The following PAK1 variants were observed in gnomAD, a reference collection of about 807,000 sequenced individuals.
The protein encoded by PAK1 is p21 (RAC1) activated kinase 1.
A neutral mutation model predicts 67.4 loss-of-function variants in PAK1; 29 were observed. That is an observed-to-expected ratio of 0.43 (90% CI 0.32 to 0.59). The LOEUF is 0.59. Ranked by LOEUF, PAK1 falls within the 20% of genes least tolerant of loss-of-function variation. The pLI, the probability that PAK1 is intolerant of heterozygous loss-of-function variation, is 0.07. For missense variants in PAK1, 337 were observed against 670.7 expected, an observed-to-expected ratio of 0.50 and a Z score of 5.50; for synonymous variants, 223 against 237.4, an observed-to-expected ratio of 0.94 and a Z score of 0.56.
At chr11:77,393,479 G>T (rs985833221) in intron 1 of PAK1, among the ~76,000 whole-genome samples, 2 of 151,634 alleles carry the variant, frequency 1.3e-5, no homozygotes, top group African/African-American at 2.4e-5. Flanking sequence ...AAATTTTTTT[G>T]GAGACAAGAG....
chr11:77,324,750 TACACACACACACAC>T (rs142981945), intron 14 of PAK1, among the ~76,000 whole-genome samples: 5 of 140,706 alleles, frequency 3.6e-5, no homozygotes, highest in Admixed American at 6.9e-5. Flanking sequence ...TATATATGTA[TACACACACACACAC>T]ACACACACAC....
chr11:77,506,953 A>G, the PAK1 span, among the ~76,000 whole-genome samples: 1 of 152,244 alleles, frequency 6.6e-6, no homozygotes, highest in African/African-American at 2.4e-5. Flanking sequence ...TATAGGCTCC[A>G]TGAAGATAAA....
chr11:77,351,342 TA>T (rs1945222906), intron 8 of PAK1, among the ~76,000 whole-genome samples: 1 of 149,202 alleles, frequency 6.7e-6, no homozygotes, highest in Non-Finnish European at 1.5e-5. Context: ...GTTCTGGAGG[TA>T]AAAGGTCCTC....
chr11:77,331,376 G>T (rs1245550558), intron 14 of PAK1, among the ~76,000 whole-genome samples: 2 of 152,182 alleles, frequency 1.3e-5, no homozygotes, highest in East Asian at 3.8e-4. Flanking sequence ...CAAAGACTTG[G>T]AACCAACCTA....
chr11:77,471,462 T>G (rs138506022), intron 1 of PAK1, among the ~76,000 whole-genome samples: 4 of 152,222 alleles, frequency 2.6e-5, no homozygotes, highest in African/African-American at 9.6e-5. Flanking sequence ...AGCCAGAGGA[T>G]GGAAGAGCAA....
At chr11:77,450,736 G>C (rs1217029108) in intron 1 of PAK1, among the ~76,000 whole-genome samples, 1 of 152,180 alleles carries the variant, frequency 6.6e-6, no homozygotes, top group Non-Finnish European at 1.5e-5. Flanking sequence ...CAGAGACAGA[G>C]ATCACAATGA....
chr11:77,395,268 T>TTG (rs1308520093), intron 1 of PAK1, among the ~76,000 whole-genome samples: 37 of 152,206 alleles, frequency 2.4e-4, no homozygotes, highest in Non-Finnish European at 4.0e-4. Flanking sequence ...ATTATTGCTA[T>TTG]TACAATTGTT....
At chr11:77,462,040 CTTT>C (rs1224119744) in intron 1 of PAK1, among the ~76,000 whole-genome samples, 1 of 152,170 alleles carries the variant, frequency 6.6e-6, no homozygotes, top group Admixed American at 6.5e-5. Flanking sequence ...TTTTCCACAT[CTTT>C]TCGCCGGGCG....
At position 77,379,785 on chromosome 11, in the gene PAK1, G is replaced by A. The variant is rs1207719801; in HGVS notation, c.291+109C>T. On this transcript the variant is annotated intron_variant, in intron 3 of 14. Transcript: ENST00000356341. ...CATGAACGTGAGAAAATTGTAATCA[G>A]GGTCTCAGGCAAAGATAGAAGCATC... The A allele has an allele frequency of 5.2e-6, 4 of 766,514 alleles. No individual in the cohort carries two copies. In the African/African-American group the frequency reaches 7.0e-5, roughly 13 times the overall value. 47.5% of individuals were successfully genotyped at this position (766,514 alleles called of 1,614,324 possible). A position where few individuals can be genotyped will look rare whatever the true frequency, so the allele number is the denominator to read the frequency against.
intron 1 of PAK1, among the ~76,000 whole-genome samples, chr11:77,467,422 A>G (rs965455734): frequency 5.3e-5 from 8 of 152,240 alleles, no homozygotes; most frequent in Admixed American, 3.3e-4. Flanking sequence ...CTGTTTATTC[A>G]GAACCTATGA....
intron 13 of PAK1, among the ~76,000 whole-genome samples, chr11:77,334,005 C>T (rs1285237846): frequency 6.6e-6 from 1 of 151,286 alleles, no homozygotes; most frequent in Non-Finnish European, 1.5e-5. Flanking sequence ...GTGGTCTCTA[C>T]TAAAAATACA....
intron 3 of PAK1, 156 bp from the exon 4 acceptor site, chr11:77,379,544 A>T: frequency 1.5e-6 from 1 of 649,892 alleles, no homozygotes. Context: ...AGCCTCTTTT[A>T]TAATATCTTT....
Position 77,379,927 on chromosome 11 carries a change from A to G in PAK1, c.258T>C (p.His86=). ...SLPSDFEHTI[H]VGFDAVTGEF... ...CCCCTGTGACAGCATCAAAACCGAC[A>G]TGAATTGTGTGTTCAAAATCTGAAG... The change falls in exon 3 of 15, where the codon CAT becomes CAC. Residue 86 remains histidine (H), a synonymous_variant. Transcript: ENST00000356341. The G allele has an allele frequency of 6.2e-7, 1 of 1,614,054 alleles. No individual in the cohort carries two copies. Among genetic ancestry groups the G allele is most frequent in the African/African-American group, 1.3e-5 (1 of 75,036 alleles).
intron 12 of PAK1, 81 bp from the exon 13 acceptor site, chr11:77,336,363 T>G: frequency 9.3e-7 from 1 of 1,073,826 alleles, no homozygotes; most frequent in Non-Finnish European, 1.3e-6. Flanking sequence ...TACCTACACA[T>G]AGGTGACAAG....
the PAK1 span, among the ~76,000 whole-genome samples, chr11:77,485,435 A>G: frequency 2.6e-5 from 4 of 152,230 alleles, no homozygotes; most frequent in Non-Finnish European, 5.9e-5. Flanking sequence ...TACCTCATAA[A>G]TGTATATACC....
intron 1 of PAK1, among the ~76,000 whole-genome samples, chr11:77,451,744 C>A (rs1007655775): frequency 1.3e-5 from 2 of 150,632 alleles, no homozygotes; most frequent in African/African-American, 5.0e-5. Flanking sequence ...GGACTACAGG[C>A]GCCACCACCA....
rs111417687 is a variant in PAK1 at position 77,416,104 on chromosome 11, G to A, written c.-21-23563C>T. On this transcript the variant is annotated intron_variant, in intron 1 of 14. Coordinates refer to ENST00000356341, the MANE Select transcript of PAK1 (RefSeq NM_002576.5). ...AGCAATTCTTGTGCCTCAGCCTCCC[G>A]AGTAGCTGGAATTACAGGCGTGTGC... Among the ~76,000 whole-genome samples the A allele has an allele frequency of 1.2e-3, 176 of 151,828 alleles. 1 individual carries two copies. The East Asian group carries it at 0.014, about 12-fold the overall frequency.
intron 14 of PAK1, among the ~76,000 whole-genome samples, chr11:77,332,315 C>T (rs1477708678): frequency 1.9e-4 from 1 of 5,220 alleles, no homozygotes; most frequent in East Asian, 5.8e-3. Flanking sequence ...CCCTGTGGGG[C>T]GTGAGAGGAA....
intron 6 of PAK1, among the ~76,000 whole-genome samples, chr11:77,358,259 T>C (rs185247765): frequency 3.3e-5 from 5 of 152,200 alleles, no homozygotes; most frequent in Non-Finnish European, 7.4e-5. Context: ...TATCATCTGA[T>C]GGTAGGTCAG....
Sources: gnomAD v4.1 joint callset for allele counts (sites outside exome capture counted in the v4.1 genomes callset) on GRCh38, gnomAD v4.1.1 for gene constraint, MANE v1.5 for transcripts, NCBI Gene and HGNC (gene_info 2026-07-23, HGNC 2026-07-21) for gene names.